Variants in ZNF480 observed in about 807,000 individuals in gnomAD.
ZNF480 encodes zinc finger protein 480.
A neutral mutation model predicts 14.4 loss-of-function variants in ZNF480; 15 were observed. The observed-to-expected ratio is 1.04, with a 90% CI of 0.70 to 1.60. The LOEUF (loss-of-function observed/expected upper bound fraction) is 1.60, where lower values mean the gene tolerates loss of function less well. Ranked by LOEUF, ZNF480 falls within the 40% of genes most tolerant of loss-of-function variation. The pLI is 0.00. For synonymous variants in ZNF480, 218 were observed against 215.5 expected (o/e 1.01, Z -0.10); for missense variants, 593 against 629.7 (o/e 0.94, Z 0.62).
At position 52,324,462 on chromosome 19, in the gene ZNF480, A is replaced by C. The variant is rs1265645393; in HGVS notation, c.*1604A>C. The C allele has an allele frequency of 6.6e-6, 1 of 152,222 alleles. No individual in the cohort carries two copies. Among genetic ancestry groups the C allele is most frequent in the Non-Finnish European group, 1.5e-5 (1 of 68,050 alleles). The allele number at this position is 152,222 out of a possible 1,614,324, so 9.4% of individuals were successfully genotyped here. Reference sequence around the variant, plus strand: ...TCTGAAATTTATTTGGAACCAGAAAAGCCCAACCTAAATAGCAAAAGCAAT... The same window carrying C: ...TCTGAAATTTATTTGGAACCAGAAACGCCCAACCTAAATAGCAAAAGCAAT... On this transcript the variant is annotated 3_prime_UTR_variant, in exon 5 of 5. Coordinates refer to ENST00000595962, the MANE Select transcript of ZNF480 (RefSeq NM_144684.4).
chr19:52,308,083 T>C (rs1202929335), intron 2 of ZNF480, among the ~76,000 whole-genome samples: 2 of 152,012 alleles, frequency 1.3e-5, no homozygotes, highest in Non-Finnish European at 2.9e-5. Context: ...TGGGCATGGT[T>C]CTGGGAAGGG....
At position 52,321,735 on chromosome 19, in the gene ZNF480, CCT is replaced by C. The variant is rs1437267564; in HGVS notation, c.488_489del (p.Ser163CysfsTer17). On this transcript the variant is annotated frameshift_variant, in exon 5 of 5. Coordinates refer to ENST00000595962, the MANE Select transcript of ZNF480 (RefSeq NM_144684.4). LOFTEE classifies it low-confidence loss of function (END_TRUNC). ...GTTGAAAACTTTATCAACCACAGTT[CCT>C]CTGTTTCCTGTCTTCAAGAAATGTC... 3 of 1,614,024 alleles carry C rather than the reference CCT, an allele frequency of 1.9e-6. No homozygotes were observed. The highest frequency in any genetic ancestry group is 1.3e-5 in the African/African-American group (1 of 75,034).
intron 1 of ZNF480, chr19:52,297,726 C>G (rs1237338039): frequency 1.3e-5 from 2 of 154,150 alleles, no homozygotes; most frequent in Non-Finnish European, 2.9e-5. Context: ...CCTCCTCTTC[C>G]CAGACACCGC....
chr19:52,297,240 G>C lies in ZNF480; in HGVS notation c.-20+17G>C, dbSNP rs1982443141. ...CCGCGGCGCGTGAGTTTCCCTTTGT[G>C]TAAATTAATCTGCGCTTCCCAACTC... On this transcript the variant is annotated intron_variant, in intron 1 of 4. Transcript: ENST00000595962. 1 of 447,866 alleles carries C rather than the reference G, an allele frequency of 2.2e-6. No individual in the cohort carries two copies. Among genetic ancestry groups the C allele is most frequent in the South Asian group, 1.6e-5 (1 of 63,864 alleles). The allele number at this position is 447,866 out of a possible 1,614,324, so 27.7% of individuals were successfully genotyped here. A position where few individuals can be genotyped will look rare whatever the true frequency, so the allele number is the denominator to read the frequency against.
chr19:52,312,704 C>G (rs1228914938), intron 2 of ZNF480, among the ~76,000 whole-genome samples: 1 of 152,054 alleles, frequency 6.6e-6, no homozygotes, highest in South Asian at 2.1e-4. Flanking sequence ...ACAGGTCTTT[C>G]TTTCATGGGC....
Position 52,321,951 on chromosome 19 carries a change from A to G in ZNF480, c.701A>G (p.Asn234Ser), listed in dbSNP as rs970659641. The change falls in exon 5 of 5, where the codon AAT becomes AGT. Residue 234 changes from asparagine to serine, a missense_variant. Asn to Ser is a conservative substitution (Grantham distance 46). Coordinates refer to ENST00000595962, the MANE Select transcript of ZNF480 (RefSeq NM_144684.4). ...IHTVEKPYKC[N>S]SCGKVFSRNS... is the part of the protein sequence containing the mutation. ...ACTGTAGAGAAACCTTACAAATGTA[A>G]TTCATGCGGCAAGGTCTTTAGTCGC... 1 of 1,612,462 alleles carries G rather than the reference A, an allele frequency of 6.2e-7. No homozygotes were observed. Among genetic ancestry groups the G allele is most frequent in the African/African-American group, 1.3e-5 (1 of 75,022 alleles).
intron 2 of ZNF480, among the ~76,000 whole-genome samples, chr19:52,312,537 C>T (rs1983339306): frequency 6.6e-6 from 1 of 152,116 alleles, no homozygotes; most frequent in Non-Finnish European, 1.5e-5. Flanking sequence ...TGTCAATTTA[C>T]TTTTGATGCT....
intron 2 of ZNF480, among the ~76,000 whole-genome samples, chr19:52,304,834 C>G (rs1600213875): frequency 6.6e-6 from 1 of 152,000 alleles, no homozygotes; most frequent in Admixed American, 6.6e-5. Flanking sequence ...TGTGGTGGCT[C>G]AAGCCTGTAA....
chr19:52,304,134 A>G (rs369353610), intron 2 of ZNF480, among the ~76,000 whole-genome samples: 2 of 152,248 alleles, frequency 1.3e-5, no homozygotes, highest in Admixed American at 6.5e-5. Flanking sequence ...ACAGTTTAAC[A>G]TGCCTTGTGG....
intron 2 of ZNF480, among the ~76,000 whole-genome samples, chr19:52,305,644 G>A (rs1054068766): frequency 1.3e-5 from 2 of 152,122 alleles, no homozygotes; most frequent in African/African-American, 4.8e-5. Context: ...ACTGGCAAGG[G>A]GTGCCACAGA....
chr19:52,313,944 A>G (rs1983416006), intron 2 of ZNF480: 2 of 411,020 alleles, frequency 4.9e-6, no homozygotes, highest in South Asian at 4.0e-5. Flanking sequence ...GCACCACTGC[A>G]CTCCAGCCTG....
At chr19:52,299,956 G>C (rs886390062) in intron 1 of ZNF480, among the ~76,000 whole-genome samples, 4 of 152,356 alleles carry the variant, frequency 2.6e-5, no homozygotes, top group African/African-American at 7.2e-5. Flanking sequence ...ATCCAATGGG[G>C]GTCTTGGGAC....
intron 4 of ZNF480, among the ~76,000 whole-genome samples, chr19:52,321,048 T>C (rs749814615): frequency 1.3e-5 from 2 of 152,216 alleles, no homozygotes; most frequent in Non-Finnish European, 2.9e-5. Context: ...TTTGGCTTTA[T>C]TTATTTTTTA....
rs200418785 is a variant in ZNF480, at chr19:52,319,825, T to G, written c.329-1754T>G. Among the ~76,000 whole-genome samples the G allele has an allele frequency of 2.2e-3, 82 of 37,126 alleles. 2 individuals are homozygous for G. The highest frequency in any genetic ancestry group is 1.4e-3 in the Non-Finnish European group (17 of 11,834). The allele number at this position is 37,126 out of a possible 152,430, so 24.4% of individuals were successfully genotyped here. On this transcript the variant is annotated intron_variant, in intron 4 of 4. Transcript: ENST00000595962. ...GCTGATACTGTGTTTTTTTTTTTTT[T>G]TTTTTTTTTTAAATTAGAGTCTTGC...
At position 52,325,731 on chromosome 19, in the gene ZNF480, T is replaced by C. The variant is rs1429574233; in HGVS notation, c.*2873T>C. On this transcript the variant is annotated 3_prime_UTR_variant, in exon 5 of 5. Transcript: ENST00000595962. ...AGCTAAACATTGATTACACATGGAC[T>C]CAAAGAAGGGAACAGTAGACACGGG... The C allele has an allele frequency of 6.6e-6, 1 of 152,128 alleles. No homozygotes were observed. Among genetic ancestry groups the C allele is most frequent in the Non-Finnish European group, 1.5e-5 (1 of 68,030 alleles). The allele number at this position is 152,128 out of a possible 1,614,324, so 9.4% of individuals were successfully genotyped here. A position where few individuals can be genotyped will look rare whatever the true frequency, so the allele number is the denominator to read the frequency against.
chr19:52,307,408 G>C (rs8113784), intron 2 of ZNF480: 85,262 of 152,056 alleles, frequency 0.56, 24,416 homozygotes, highest in Non-Finnish European at 0.62. Flanking sequence ...GATTGCTTAA[G>C]AGTACTTGGG....
intron 2 of ZNF480, chr19:52,301,135 C>T (rs1409752117): frequency 2.0e-5 from 3 of 152,600 alleles, no homozygotes; most frequent in Non-Finnish European, 2.9e-5. Context: ...GCAAAGGCTG[C>T]TTTGTCACGG....
chr19:52,317,829 T>A (rs532795961), intron 4 of ZNF480, among the ~76,000 whole-genome samples: 18 of 152,318 alleles, frequency 1.2e-4, no homozygotes, highest in South Asian at 4.1e-4. Context: ...TTCTCCATAT[T>A]TTCGACAACA....
At chr19:52,301,145 G>T (rs1982673471) in intron 2 of ZNF480, 1 of 152,636 alleles carries the variant, frequency 6.6e-6, no homozygotes, top group African/African-American at 2.4e-5. Context: ...CTTTGTCACG[G>T]TGGGCTACTT....
Sources: allele counts gnomAD v4.1 joint callset (sites outside exome capture counted in the v4.1 genomes callset), GRCh38; gene constraint gnomAD v4.1.1; transcripts MANE v1.5; gene names NCBI Gene and HGNC (gene_info 2026-07-23, HGNC 2026-07-21).